ITPA: variants seen among roughly 807,000 people sequenced by gnomAD.
ITPA encodes the protein inosine triphosphatase.
ITPA carries 29 observed loss-of-function variants against 29.6 expected under a neutral mutation model. The observed-to-expected ratio is 0.98, with a 90% CI of 0.73 to 1.34. The LOEUF (loss-of-function observed/expected upper bound fraction) is 1.34. ITPA is among the 40% of genes most tolerant of loss of function. The probability of loss-of-function intolerance (pLI) is 0.00; values close to 1 mark genes in which losing one functional copy is unlikely to be tolerated. For synonymous variants in ITPA, 103 were observed against 99.3 expected (o/e 1.04, Z -0.22); for missense variants, 241 against 251.5 (o/e 0.96, Z 0.28).
At chr20:3,224,451 G>A (rs573764277), downstream of ITPA, among the ~76,000 whole-genome samples, 27 of 152,324 alleles carry the variant, frequency 1.8e-4, no homozygotes, top group African/African-American at 6.3e-4. Context: ...CCCCAGGCTT[G>A]CTTCTGTGCC....
chr20:3,218,566 C>G lies in ITPA; in HGVS notation c.345C>G (p.Leu115=), dbSNP rs1308694374. ...TCGAGGACAAGTCAGCCTATGCGCT[C>G]TGCACGTTTGCACTCAGCACCGGGG... ...AGFEDKSAYA[L]CTFALSTGDP... Residue 115 remains leucine, a synonymous_variant, in exon 6 of 8, where the codon CTC becomes CTG. Coordinates refer to ENST00000380113, the MANE Select transcript of ITPA (RefSeq NM_033453.4). The G allele has an allele frequency of 6.2e-7, 1 of 1,613,888 alleles. No homozygotes were observed. Among genetic ancestry groups the G allele is most frequent in the East Asian group, 2.2e-5 (1 of 44,892 alleles).
At chr20:3,204,435 G>C (rs41281854), upstream of ITPA, 14,907 of 1,238,810 alleles carry the variant, frequency 0.012, 127 homozygotes, top group Non-Finnish European at 0.014. Flanking sequence ...CGTCCCGCCC[G>C]CCCAGGTGCG....
At chr20:3,209,418 T>G (rs899107610), upstream of ITPA, 1 of 840,306 alleles carries the variant, frequency 1.2e-6, no homozygotes, top group Non-Finnish European at 2.0e-6. The surrounding 1 kb of genome is among the most constrained non-coding windows in gnomAD (Gnocchi z 4.6). Context: ...GATACGCGCC[T>G]TGGGGTCCGG....
chr20:3,214,725 G>A (rs1329846494), intron 4 of ITPA, among the ~76,000 whole-genome samples: 5 of 150,734 alleles, frequency 3.3e-5, no homozygotes, highest in Admixed American at 6.6e-5. Flanking sequence ...GACTACAGGC[G>A]CCCACCACCA....
At chr20:3,204,403 G>C (rs2067056236), upstream of ITPA, 4 of 881,338 alleles carry the variant, frequency 4.5e-6, no homozygotes, top group Admixed American at 5.3e-5. Flanking sequence ...CCCGGCACAC[G>C]ACTAGCGCAC....
chr20:3,207,471 A>G (rs935175599), upstream of ITPA, among the ~76,000 whole-genome samples: 1 of 152,118 alleles, frequency 6.6e-6, no homozygotes. Flanking sequence ...AGGTGGAGGG[A>G]TCTCCTGAGG....
At chr20:3,224,336 C>G (rs531842892), downstream of ITPA, among the ~76,000 whole-genome samples, 1 of 152,202 alleles carries the variant, frequency 6.6e-6, no homozygotes, top group African/African-American at 2.4e-5. Flanking sequence ...TGTGCCCTGG[C>G]GAAGCCATTC....
chr20:3,215,177 T>G, intron 4 of ITPA, 104 bp from the exon 5 acceptor site: 3 of 1,225,040 alleles, frequency 2.4e-6, no homozygotes, highest in Non-Finnish European at 3.6e-6. Context: ...CTTGGAGGCA[T>G]TCTTTTTCAT....
At chr20:3,220,597 G>A (rs1245114631) in intron 6 of ITPA, among the ~76,000 whole-genome samples, 10 of 151,976 alleles carry the variant, frequency 6.6e-5, no homozygotes, top group Admixed American at 6.6e-4. Context: ...CACCCAGGCT[G>A]GAGTGTAGTG....
chr20:3,225,702 T>A (rs376441892), downstream of ITPA, among the ~76,000 whole-genome samples: 1 of 152,092 alleles, frequency 6.6e-6, no homozygotes, highest in East Asian at 1.9e-4. Flanking sequence ...CACTGGGAAC[T>A]CCATCAATGC....
At chr20:3,207,087 T>C (rs6139030), upstream of ITPA, among the ~76,000 whole-genome samples, 13,155 of 152,138 alleles carry the variant, frequency 0.086, 655 homozygotes, top group East Asian at 0.18. Context: ...TCAGTTGTGA[T>C]CTTTTTGTTT....
upstream of ITPA, among the ~76,000 whole-genome samples, chr20:3,207,858 C>T (rs1241959689): frequency 7.0e-6 from 1 of 143,874 alleles, no homozygotes; most frequent in African/African-American, 2.6e-5. Context: ...AGCTGGGCGT[C>T]GTGGGGGGTG....
Position 3,209,738 on chromosome 20 carries a change from A to G in ITPA, c.66+121A>G, listed in dbSNP as rs1402591796. On this transcript the variant is annotated intron_variant, in intron 1 of 7. Transcript: ENST00000380113. The surrounding 1 kb of genome is among the most constrained non-coding windows in gnomAD (Gnocchi z 4.6). ...GAGAGAGAACAGAATTCAGCCCGGA[A>G]GAATGGGTCCTGACCCGGCTGTGTG... 2.5e-6 allele frequency: 2 copies of G among 806,908 alleles called. No homozygotes were observed. The highest frequency in any genetic ancestry group is 4.1e-6 in the Non-Finnish European group (2 of 493,098). 50.0% of individuals were successfully genotyped at this position (806,908 alleles called of 1,614,324 possible).
At chr20:3,221,069 A>G (rs1235409532) in intron 6 of ITPA, among the ~76,000 whole-genome samples, 1 of 151,984 alleles carries the variant, frequency 6.6e-6, no homozygotes, top group Non-Finnish European at 1.5e-5. Context: ...TATTTTTTGT[A>G]GAGATGGGGT....
At chr20:3,204,427 T>A, upstream of ITPA, 1 of 1,156,000 alleles carries the variant, frequency 8.7e-7, no homozygotes, top group Non-Finnish European at 1.2e-6. Context: ...CGCGCATGCG[T>A]CCCGCCCGCC....
chr20:3,221,952 G>T, intron 7 of ITPA, 35 bp downstream of exon 7: 1 of 1,599,026 alleles, frequency 6.3e-7, no homozygotes. Flanking sequence ...TGGGGTGTGG[G>T]GTTGGTACAG....
At position 3,223,393 on chromosome 20, in the gene ITPA, G is replaced by A. The variant is rs754560867; in HGVS notation, c.516G>A (p.Lys172=). 31 of 1,613,784 alleles carry A rather than the reference G, an allele frequency of 1.9e-5. No individual in the cohort carries two copies. The Middle Eastern group carries it at 2.1e-3, about 111-fold the overall frequency. The change falls in exon 8 of 8, where the codon AAG becomes AAA. Residue 172 remains lysine (K), a synonymous_variant. Coordinates refer to ENST00000380113, the MANE Select transcript of ITPA (RefSeq NM_033453.4). ...QTYAEMPKAE[K]NAVSHRFRAL... is the part of the protein sequence containing the mutation. The stretch of plus-strand genomic sequence containing the variant: ...ACGCAGAGATGCCTAAGGCGGAGAA[G>A]AACGCTGTCTCCCATCGCTTCCGGG...
rs530649397 is a variant in ITPA, at chr20:3,223,781, T to C, written c.*319T>C. 3.0e-4 allele frequency: 127 copies of C among 419,882 alleles called. No homozygotes were observed. Among genetic ancestry groups the C allele is most frequent in the Non-Finnish European group, 4.8e-4 (110 of 227,606 alleles). 26.0% of individuals were successfully genotyped at this position (419,882 alleles called of 1,614,324 possible). A position where few individuals can be genotyped will look rare whatever the true frequency, so the allele number is the denominator to read the frequency against. ...GTGGGGAGGAACCATGCAAATCGCC[T>C]TCCATGGTTTTTAAATGCAGTAAAT... On this transcript the variant is annotated 3_prime_UTR_variant, in exon 8 of 8. Transcript: ENST00000380113.
chr20:3,209,687 G>A lies in ITPA; in HGVS notation c.66+70G>A, dbSNP rs976621793. 3.1e-6 allele frequency: 4 copies of A among 1,305,868 alleles called. No individual in the cohort carries two copies. In the African/African-American group the frequency reaches 4.4e-5, roughly 14 times the overall value. 80.9% of individuals were successfully genotyped at this position (1,305,868 alleles called of 1,614,324 possible). On this transcript the variant is annotated intron_variant, in intron 1 of 7. Transcript: ENST00000380113. This position sits in a 1 kb window ranked among gnomAD's most constrained non-coding sequence, Gnocchi z 4.6. ...AGGGCGGAGAAGGGGCTTCCGGGAG[G>A]AGGGAAGCACGTGGGAGGAGGCATG...
Sources: allele counts gnomAD v4.1 joint callset (sites outside exome capture counted in the v4.1 genomes callset), GRCh38; gene constraint gnomAD v4.1.1; non-coding constraint Gnocchi (gnomAD v3.1); transcripts MANE v1.5; gene names NCBI Gene and HGNC (gene_info 2026-07-23, HGNC 2026-07-21).